The following CHD7 variants were observed in gnomAD, a reference collection of about 807,000 sequenced individuals.
CHD7 encodes ATP-dependent chromatin remodeler CHD7.
A neutral mutation model predicts 307.3 loss-of-function variants in CHD7; 24 were observed. The ratio of observed to expected loss-of-function variants is 0.08; its 90% CI spans 0.06 to 0.11. CHD7 has a LOEUF of 0.11. CHD7 is among the 10% of genes least tolerant of loss of function. The probability of loss-of-function intolerance (pLI) is 1.00; values close to 1 mark genes in which losing one functional copy is unlikely to be tolerated. For synonymous variants in CHD7, 1,363 were observed against 1,349.9 expected, an observed-to-expected ratio of 1.01 and a Z score of -0.21; for missense variants, 3,106 against 3,727.1, an observed-to-expected ratio of 0.83 and a Z score of 4.34.
intron 7 of CHD7, among the ~76,000 whole-genome samples, chr8:60,812,520 T>C (rs1812858808): frequency 6.6e-6 from 1 of 151,776 alleles, no homozygotes; most frequent in African/African-American, 2.4e-5. Context: ...AAAAATTAGC[T>C]GAGCATGGTG....
At chr8:60,681,127 T>A (rs2150469419) in intron 1 of CHD7, among the ~76,000 whole-genome samples, 1 of 152,340 alleles carries the variant, frequency 6.6e-6, no homozygotes, top group South Asian at 2.1e-4. Context: ...TCTTCACTGA[T>A]CTTGTCTGAC....
At chr8:60,756,300 G>C (rs570982720) in intron 2 of CHD7, among the ~76,000 whole-genome samples, 9 of 152,172 alleles carry the variant, frequency 5.9e-5, no homozygotes, top group African/African-American at 2.2e-4. Flanking sequence ...CGTGTCTTTG[G>C]CCTTGTGATG....
intron 1 of CHD7, among the ~76,000 whole-genome samples, chr8:60,697,810 A>T (rs1200789154): frequency 6.6e-6 from 1 of 152,236 alleles, no homozygotes; most frequent in Non-Finnish European, 1.5e-5. Flanking sequence ...AATATGTCCC[A>T]GCTATGTATA....
intron 1 of CHD7, among the ~76,000 whole-genome samples, chr8:60,735,593 A>G (rs1353775049): frequency 1.3e-5 from 2 of 152,224 alleles, no homozygotes; most frequent in African/African-American, 4.8e-5. Flanking sequence ...ATAATACAGA[A>G]AGGAGACATA....
intron 1 of CHD7, among the ~76,000 whole-genome samples, chr8:60,735,011 GGGA>G (rs988206270): frequency 6.6e-6 from 1 of 152,208 alleles, no homozygotes; most frequent in African/African-American, 2.4e-5. Context: ...AGTGTAAACA[GGGA>G]GGAGGAGTTA....
intron 2 of CHD7, among the ~76,000 whole-genome samples, chr8:60,756,716 T>TACAC (rs994048512): frequency 1.3e-5 from 2 of 151,950 alleles, no homozygotes; most frequent in African/African-American, 4.8e-5. Flanking sequence ...CATACGCGCA[T>TACAC]ACACACACAC....
chr8:60,726,057 CTAA>C (rs1222495054), intron 1 of CHD7, among the ~76,000 whole-genome samples: 2 of 152,216 alleles, frequency 1.3e-5, no homozygotes, highest in African/African-American at 4.8e-5. Context: ...TTTCCGATTA[CTAA>C]TAGTTTCCTG....
At chr8:60,715,385 C>T (rs1249918811) in intron 1 of CHD7, among the ~76,000 whole-genome samples, 1 of 149,894 alleles carries the variant, frequency 6.7e-6, no homozygotes. Flanking sequence ...GTGCAGTGGC[C>T]GATCTCACCT....
intron 4 of CHD7, among the ~76,000 whole-genome samples, chr8:60,798,837 T>C (rs1296990317): frequency 2.6e-5 from 4 of 152,228 alleles, no homozygotes; most frequent in Admixed American, 2.6e-4. Flanking sequence ...AGATTTGACA[T>C]ACATATATGA....
intron 7 of CHD7, among the ~76,000 whole-genome samples, chr8:60,810,421 A>G (rs1812744914): frequency 6.6e-6 from 1 of 151,208 alleles, no homozygotes; most frequent in East Asian, 1.9e-4. Flanking sequence ...ATCGAGTTAC[A>G]CACACACTTA....
chr8:60,771,780 G>A (rs1222785896), intron 2 of CHD7, among the ~76,000 whole-genome samples: 1 of 152,184 alleles, frequency 6.6e-6, no homozygotes, highest in Non-Finnish European at 1.5e-5. Context: ...ATTGCTGGCT[G>A]TTGCCTGGGG....
chr8:60,850,986 TGC>T, intron 26 of CHD7, 44 bp from the exon 27 acceptor site: 1 of 1,360,510 alleles, frequency 7.4e-7, no homozygotes, highest in Non-Finnish European at 1.0e-6. Context: ...TTCCTTCTTT[TGC>T]TTATCAGTAT....
chr8:60,786,058 A>G (rs1431886443), intron 3 of CHD7, among the ~76,000 whole-genome samples: 1 of 152,076 alleles, frequency 6.6e-6, no homozygotes, highest in Non-Finnish European at 1.5e-5. Flanking sequence ...GACCTGTCCT[A>G]CCCAGTCTCT....
At chr8:60,700,131 C>T (rs896770265) in intron 1 of CHD7, among the ~76,000 whole-genome samples, 3 of 152,152 alleles carry the variant, frequency 2.0e-5, no homozygotes, top group African/African-American at 7.2e-5. Context: ...AGCCACCGTG[C>T]CTGGCAACTT....
chr8:60,773,598 CTG>C (rs1810813891), intron 2 of CHD7, among the ~76,000 whole-genome samples: 1 of 152,136 alleles, frequency 6.6e-6, no homozygotes, highest in Non-Finnish European at 1.5e-5. Flanking sequence ...AGCAATGAAT[CTG>C]TGACAAAGAT....
In CHD7 at chr8:60,842,026, G is replaced by A; in HGVS notation, c.4824G>A (p.Arg1608=). Residue 1608 remains arginine (R), a synonymous_variant, in exon 21 of 38, where the codon AGG becomes AGA. Coordinates refer to ENST00000423902, the MANE Select transcript of CHD7 (RefSeq NM_017780.4). ...SQGYARSECF[R]VEKNLLVYGW... The stretch of plus-strand genomic sequence containing the variant: ...GCTATGCAAGGAGTGAATGTTTCAG[G>A]GTGGAGAAGAATCTGCTTGTCTATG... 1.2e-6 allele frequency: 2 copies of A among 1,613,504 alleles called. No individual in the cohort carries two copies. The highest frequency in any genetic ancestry group is 2.2e-5 in the South Asian group (2 of 91,062).
intron 7 of CHD7, among the ~76,000 whole-genome samples, chr8:60,809,222 A>C (rs1812678229): frequency 6.6e-6 from 1 of 152,216 alleles, no homozygotes; most frequent in South Asian, 2.1e-4. Context: ...TTATCAAGTA[A>C]AAAGATAAAG....
rs1805226605 is a variant in CHD7 at position 60,846,769 on chromosome 8, C to G, written c.5210+1360C>G. Among the ~76,000 whole-genome samples, 3 of 152,166 alleles carry G rather than the reference C, an allele frequency of 2.0e-5. No individual in the cohort carries two copies. In the South Asian group the frequency reaches 6.2e-4, roughly 31 times the overall value. On this transcript the variant is annotated intron_variant, in intron 23 of 37. Transcript: ENST00000423902. ...GTCTAAGATTAGTATGATTTTTATCCCCATTTAACTGACAAGAAAACTGAG... is the reference window on the plus strand; with the variant it reads ...GTCTAAGATTAGTATGATTTTTATCGCCATTTAACTGACAAGAAAACTGAG...
chr8:60,773,331 G>C (rs1563587882), intron 2 of CHD7, among the ~76,000 whole-genome samples: 2 of 152,204 alleles, frequency 1.3e-5, no homozygotes, highest in Non-Finnish European at 2.9e-5. Context: ...GGAGATGTAA[G>C]ATCAGGAACA....
Sources: gnomAD v4.1 joint callset for allele counts (sites outside exome capture counted in the v4.1 genomes callset) on GRCh38, gnomAD v4.1.1 for gene constraint, MANE v1.5 for transcripts, NCBI Gene and HGNC (gene_info 2026-07-23, HGNC 2026-07-21) for gene names.